BRSK2: variants seen among roughly 807,000 people sequenced by gnomAD.
BRSK2 encodes serine/threonine-protein kinase BRSK2.
In BRSK2, 19 loss-of-function variants were observed where a neutral mutation model predicts 83.3. The ratio of observed to expected loss-of-function variants is 0.23; its 90% CI spans 0.16 to 0.33. The LOEUF (loss-of-function observed/expected upper bound fraction) is 0.33, where lower values mean the gene tolerates loss of function less well. Among genes scored for constraint, BRSK2 ranks in the 10% least tolerant of loss-of-function variants. The probability of loss-of-function intolerance (pLI) is 1.00; values close to 1 mark genes in which losing one functional copy is unlikely to be tolerated. For synonymous variants in BRSK2, 519 were observed against 435.4 expected (o/e 1.19, Z -2.39); for missense variants, 798 against 1,042.3 (o/e 0.77, Z 3.23).
chr11:1,398,227 G>T (rs1456781352), intron 1 of BRSK2, among the ~76,000 whole-genome samples: 1 of 152,184 alleles, frequency 6.6e-6, no homozygotes, highest in Non-Finnish European at 1.5e-5. Flanking sequence ...CATGCTGAGG[G>T]AAAGCCCCTC....
intron 5 of BRSK2, among the ~76,000 whole-genome samples, chr11:1,442,861 C>G (rs1265824225): frequency 6.6e-6 from 1 of 152,108 alleles, no homozygotes; most frequent in South Asian, 2.1e-4. Context: ...CACTTACATG[C>G]CCCTCTCCTG....
chr11:1,426,138 C>T (rs981029652), intron 1 of BRSK2, among the ~76,000 whole-genome samples: 1 of 152,222 alleles, frequency 6.6e-6, no homozygotes, highest in Non-Finnish European at 1.5e-5. Context: ...CTTGGGTGCT[C>T]TGGGCACCCA....
intron 15 of BRSK2, among the ~76,000 whole-genome samples, chr11:1,452,004 G>A (rs1230025573): frequency 3.9e-5 from 6 of 152,098 alleles, no homozygotes; most frequent in African/African-American, 9.7e-5. Context: ...TCCTCTCCAC[G>A]ATGGCCTCAG....
chr11:1,416,665 C>T (rs2134160859), intron 1 of BRSK2, among the ~76,000 whole-genome samples: 1 of 152,306 alleles, frequency 6.6e-6, no homozygotes, highest in Non-Finnish European at 1.5e-5. Flanking sequence ...AGGCAGCCAC[C>T]ACTGAGGCCC....
intron 12 of BRSK2, among the ~76,000 whole-genome samples, chr11:1,447,306 G>A (rs538052780): frequency 4.6e-5 from 7 of 152,270 alleles, no homozygotes; most frequent in East Asian, 1.9e-4. Context: ...CGGACTCCCC[G>A]ACCCTGCAGG....
chr11:1,408,292 A>T (rs1349532949), intron 1 of BRSK2, among the ~76,000 whole-genome samples: 2 of 152,122 alleles, frequency 1.3e-5, no homozygotes, highest in African/African-American at 4.8e-5. Flanking sequence ...TGCCCCAGGA[A>T]TCCATCCAGC....
In BRSK2 at chr11:1,459,196, C is replaced by T. The variant is rs369974017; in HGVS notation, c.1944C>T (p.Thr648=). The change falls in exon 19 of 20, where the codon ACC becomes ACT. Residue 648 remains threonine (T), a synonymous_variant. Transcript: ENST00000528841. The part of the protein sequence containing the change: ...DPPAAQHLSD[T]TNCMEMMTGR... ...TCTCTCCATTCTGTACTCCAGACAC[C>T]ACTAACTGTATGGAAATGATGACGG... 64 of 1,613,698 alleles carry T rather than the reference C, an allele frequency of 4.0e-5. No individual in the cohort carries two copies. The highest frequency in any genetic ancestry group is 5.3e-5 in the Non-Finnish European group (62 of 1,179,806).
chr11:1,415,845 C>T (rs556045215), intron 1 of BRSK2, among the ~76,000 whole-genome samples: 13 of 152,390 alleles, frequency 8.5e-5, no homozygotes, highest in South Asian at 6.2e-4. Context: ...GGCTCCACCA[C>T]GGCCTCCTCG....
intron 1 of BRSK2, chr11:1,409,579 T>C (rs1273676863): frequency 6.6e-6 from 1 of 152,102 alleles, no homozygotes; most frequent in Non-Finnish European, 1.5e-5. Flanking sequence ...GGTGTGGTTC[T>C]GTTTATGGGT....
At chr11:1,447,888 C>G in intron 12 of BRSK2, 2 of 1,581,518 alleles carry the variant, frequency 1.3e-6, no homozygotes, top group East Asian at 2.3e-5. Flanking sequence ...CACCCGTCCC[C>G]GCACCTCCCA....
intron 16 of BRSK2, among the ~76,000 whole-genome samples, chr11:1,456,099 C>G (rs1473784383): frequency 1.3e-5 from 2 of 152,202 alleles, no homozygotes; most frequent in Non-Finnish European, 2.9e-5. Context: ...CTGTGGCTGC[C>G]TGAGAAAAGC....
intron 16 of BRSK2, among the ~76,000 whole-genome samples, chr11:1,455,458 G>A (rs1280889811): frequency 6.6e-6 from 1 of 151,916 alleles, no homozygotes. Flanking sequence ...CTAGGGACTG[G>A]CCCCCACCCC....
intron 18 of BRSK2, among the ~76,000 whole-genome samples, chr11:1,458,254 T>TA (rs1846896862): frequency 6.6e-6 from 1 of 151,988 alleles, no homozygotes; most frequent in African/African-American, 2.4e-5. Flanking sequence ...CCTGGCCCCT[T>TA]AAAGTGTGGT....
At chr11:1,411,069 A>G (rs1315979295) in intron 1 of BRSK2, 1 of 1,119,374 alleles carries the variant, frequency 8.9e-7, no homozygotes, top group Non-Finnish European at 1.1e-6. Flanking sequence ...TTTGGCAGGA[A>G]GGAGGAGGGG....
intron 1 of BRSK2, among the ~76,000 whole-genome samples, chr11:1,398,315 T>C (rs1239977956): frequency 6.6e-6 from 1 of 152,080 alleles, no homozygotes; most frequent in Non-Finnish European, 1.5e-5. Flanking sequence ...AGCTGCCTGG[T>C]TGGGGCTGGC....
At chr11:1,398,116 T>C (rs1383836257) in intron 1 of BRSK2, among the ~76,000 whole-genome samples, 6 of 152,110 alleles carry the variant, frequency 3.9e-5, no homozygotes, top group Admixed American at 1.3e-4. Flanking sequence ...TGGCCAGGAA[T>C]GTCGCCTCTG....
At chr11:1,421,899 C>T (rs1848662738) in intron 1 of BRSK2, among the ~76,000 whole-genome samples, 1 of 151,528 alleles carries the variant, frequency 6.6e-6, no homozygotes, top group Non-Finnish European at 1.5e-5. Context: ...CGGCCCAGCA[C>T]CGGGGTCTCT....
chr11:1,460,734 C>T lies in BRSK2; in HGVS notation c.*11C>T, dbSNP rs775575987. The T allele has an allele frequency of 1.4e-5, 11 of 796,540 alleles. No homozygotes were observed. Among genetic ancestry groups the T allele is most frequent in the African/African-American group, 5.7e-5 (1 of 17,642 alleles). The allele number at this position is 796,540 out of a possible 1,614,324, so 49.3% of individuals were successfully genotyped here. On this transcript the variant is annotated 3_prime_UTR_variant, in exon 20 of 20. Coordinates refer to ENST00000528841, the MANE Select transcript of BRSK2 (RefSeq NM_001256627.2). ...CGCGAGCAGCCTTAGACACACTAGCCCCCCCCCCCAGCACAGCACTGACAG... is the reference window on the plus strand; with the variant it reads ...CGCGAGCAGCCTTAGACACACTAGCTCCCCCCCCCAGCACAGCACTGACAG...
intron 1 of BRSK2, among the ~76,000 whole-genome samples, chr11:1,433,436 G>A (rs537710820): frequency 1.3e-5 from 2 of 152,376 alleles, no homozygotes; most frequent in South Asian, 4.1e-4. Context: ...TCCTTTGAGA[G>A]CCTCTGTCTT....
Sources: allele counts gnomAD v4.1 joint callset (sites outside exome capture counted in the v4.1 genomes callset), GRCh38; gene constraint gnomAD v4.1.1; transcripts MANE v1.5; gene names NCBI Gene and HGNC (gene_info 2026-07-23, HGNC 2026-07-21).